PPP2R2B: variants seen among roughly 807,000 people sequenced by gnomAD.
The protein encoded by PPP2R2B is serine/threonine-protein phosphatase 2A 55 kDa regulatory subunit B beta isoform.
PPP2R2B carries 5 observed loss-of-function variants against 46.0 expected under a neutral mutation model. That is an observed-to-expected ratio of 0.11 (90% CI 0.06 to 0.23). The LOEUF (loss-of-function observed/expected upper bound fraction) is 0.23. Ranked by LOEUF, PPP2R2B falls within the 10% of genes least tolerant of loss-of-function variation. PPP2R2B has a pLI of 1.00. For synonymous variants in PPP2R2B, 215 were observed against 206.7 expected (o/e 1.04, Z -0.34); for missense variants, 367 against 575.0 (o/e 0.64, Z 3.70).
chr5:146,663,878 T>C (rs1776820467), intron 5 of PPP2R2B, among the ~76,000 whole-genome samples: 1 of 152,178 alleles, frequency 6.6e-6, no homozygotes, highest in Non-Finnish European at 1.5e-5. Flanking sequence ...AATCTTGCTC[T>C]GTCATCCAGG....
At chr5:146,698,313 AAAAAATATATATATAT>A (rs1298600959) in intron 3 of PPP2R2B, among the ~76,000 whole-genome samples, 169 bp from the exon 4 acceptor site, 32 of 91,284 alleles carry the variant, frequency 3.5e-4, no homozygotes, top group African/African-American at 1.5e-3. Flanking sequence ...AAAAAAAAAA[AAAAAATATATATATAT>A]ATATATATAT....
intron 9 of PPP2R2B, among the ~76,000 whole-genome samples, chr5:146,592,748 G>A (rs1770787303): frequency 6.6e-6 from 1 of 152,186 alleles, no homozygotes; most frequent in Non-Finnish European, 1.5e-5. Flanking sequence ...ACATTAAGGT[G>A]TTATCTGTGC....
At chr5:146,634,367 C>T (rs1774653045) in intron 7 of PPP2R2B, among the ~76,000 whole-genome samples, 1 of 151,998 alleles carries the variant, frequency 6.6e-6, no homozygotes, top group Non-Finnish European at 1.5e-5. Flanking sequence ...TAGAGTCTTG[C>T]TCTGTCGCCA....
intron 1 of PPP2R2B, among the ~76,000 whole-genome samples, chr5:147,034,192 G>C (rs1430500508): frequency 6.6e-6 from 1 of 152,244 alleles, no homozygotes; most frequent in Non-Finnish European, 1.5e-5. Context: ...CTGTCTAGAA[G>C]ATCCTCTCCC....
At chr5:147,081,495 GC>G (rs1415976309), upstream of PPP2R2B, 4 of 590,400 alleles carry the variant, frequency 6.8e-6, no homozygotes, top group Non-Finnish European at 1.2e-5. Flanking sequence ...GAATACTAAT[GC>G]TTTTGATTGT....
At chr5:146,957,551 G>C (rs1751969204) in intron 1 of PPP2R2B, among the ~76,000 whole-genome samples, 1 of 152,176 alleles carries the variant, frequency 6.6e-6, no homozygotes, top group African/African-American at 2.4e-5. Flanking sequence ...GGCACCAGTT[G>C]ATGGGATATA....
chr5:146,586,289 T>G lies in PPP2R2B; in HGVS notation c.*3658A>C, dbSNP rs1160414990. ...ACATTCATCACGGAAGAGGGAAAATTAGTAAGGGTTCCACCATTCAGGCTG... is the reference window on the plus strand; with the variant it reads ...ACATTCATCACGGAAGAGGGAAAATGAGTAAGGGTTCCACCATTCAGGCTG... On this transcript the variant is annotated 3_prime_UTR_variant, in exon 10 of 10. Transcript: ENST00000394411. The G allele has an allele frequency of 6.6e-6, 1 of 152,146 alleles. No homozygotes were observed. Among genetic ancestry groups the G allele is most frequent in the East Asian group, 1.9e-4 (1 of 5,192 alleles). The allele number at this position is 152,146 out of a possible 1,614,324, so 9.4% of individuals were successfully genotyped here. A position where few individuals can be genotyped will look rare whatever the true frequency, so the allele number is the denominator to read the frequency against.
At chr5:146,936,730 A>G (rs1412480906) in intron 1 of PPP2R2B, among the ~76,000 whole-genome samples, 2 of 152,050 alleles carry the variant, frequency 1.3e-5, no homozygotes, top group Non-Finnish European at 2.9e-5. Context: ...TGGTTTTTCT[A>G]TGTTAATACT....
intron 1 of PPP2R2B, among the ~76,000 whole-genome samples, chr5:147,047,665 G>A (rs531976912): frequency 6.6e-6 from 1 of 152,046 alleles, no homozygotes; most frequent in South Asian, 2.1e-4. Flanking sequence ...AAAATTAAAG[G>A]CCAGGAAATA....
chr5:146,917,268 T>C (rs990796920), intron 1 of PPP2R2B, among the ~76,000 whole-genome samples: 2 of 152,180 alleles, frequency 1.3e-5, no homozygotes, highest in Non-Finnish European at 2.9e-5. Context: ...CTATAAAGCC[T>C]TTGCCAGGCC....
At position 146,892,736 on chromosome 5, in the gene PPP2R2B, C is replaced by T. The variant is rs118098866; in HGVS notation, c.79+162929G>A. 1.2e-3 allele frequency among the ~76,000 whole-genome samples: 190 copies of T among 152,240 alleles called. 3 individuals carry two copies. The East Asian group carries it at 0.02, about 16-fold the overall frequency. ...AAAAGAGGTGCAGTTTGAAAAAAAGCGTCATGCTATAGCCCTCTGTTGTAG... is the reference window on the plus strand; with the variant it reads ...AAAAGAGGTGCAGTTTGAAAAAAAGTGTCATGCTATAGCCCTCTGTTGTAG... On this transcript the variant is annotated intron_variant, in intron 1 of 8. Transcript: ENST00000336640.
At chr5:146,803,488 A>G (rs1221438908) in intron 2 of PPP2R2B, among the ~76,000 whole-genome samples, 1 of 152,222 alleles carries the variant, frequency 6.6e-6, no homozygotes, top group Non-Finnish European at 1.5e-5. Context: ...GGCATTTAAT[A>G]AAATTTATTT....
intron 3 of PPP2R2B, among the ~76,000 whole-genome samples, chr5:146,699,419 T>A (rs1315567244): frequency 6.6e-6 from 1 of 152,242 alleles, no homozygotes; most frequent in African/African-American, 2.4e-5. Flanking sequence ...AACTGCAGGT[T>A]CTTTATCCTC....
intron 1 of PPP2R2B, among the ~76,000 whole-genome samples, chr5:147,005,560 G>A (rs530680161): frequency 5.9e-5 from 9 of 152,290 alleles, no homozygotes; most frequent in African/African-American, 2.2e-4. Context: ...AACCCAAGGA[G>A]GTGGCAGTCT....
intron 1 of PPP2R2B, among the ~76,000 whole-genome samples, chr5:146,993,545 G>A (rs923739727): frequency 6.6e-6 from 1 of 152,172 alleles, no homozygotes. Context: ...CCCAGCTGGT[G>A]ATAGAAAAAT....
chr5:147,061,581 C>A (rs1757259509), intron 2 of PPP2R2B, among the ~76,000 whole-genome samples: 1 of 152,152 alleles, frequency 6.6e-6, no homozygotes, highest in Non-Finnish European at 1.5e-5. Context: ...CCTAGCAGAG[C>A]AGTCAGGAGT....
intron 7 of PPP2R2B, among the ~76,000 whole-genome samples, chr5:146,637,533 T>G (rs1483591652): frequency 6.6e-6 from 1 of 152,230 alleles, no homozygotes; most frequent in Non-Finnish European, 1.5e-5. Context: ...CAGCCAGAAT[T>G]TAACCTTTAT....
At chr5:146,674,445 A>G (rs974879210) in intron 5 of PPP2R2B, among the ~76,000 whole-genome samples, 2 of 152,164 alleles carry the variant, frequency 1.3e-5, no homozygotes, top group African/African-American at 2.4e-5. Flanking sequence ...TTTTGCTCAC[A>G]ATTTTGAACA....
chr5:146,985,203 T>C (rs1753369219), intron 1 of PPP2R2B, among the ~76,000 whole-genome samples: 1 of 151,982 alleles, frequency 6.6e-6, no homozygotes, highest in South Asian at 2.1e-4. Flanking sequence ...GTGTTTTTAG[T>C]AGAGACAGGG....
Sources: allele counts gnomAD v4.1 joint callset (sites outside exome capture counted in the v4.1 genomes callset), GRCh38; gene constraint gnomAD v4.1.1; transcripts MANE v1.5; gene names NCBI Gene and HGNC (gene_info 2026-07-23, HGNC 2026-07-21).